Variants in MGAM2 observed in about 807,000 individuals in gnomAD.
The protein encoded by MGAM2 is probable maltase-glucoamylase 2.
A neutral mutation model predicts 96.1 loss-of-function variants in MGAM2; 98 were observed. That is an observed-to-expected ratio of 1.02 (90% CI 0.87 to 1.21). MGAM2 has a LOEUF of 1.21. Ranked by LOEUF, MGAM2 falls within the 50% of genes most tolerant of loss-of-function variation. MGAM2 has a pLI of 0.00. For synonymous variants in MGAM2, 749 were observed against 414.8 expected, an observed-to-expected ratio of 1.81 and a Z score of -9.79; for missense variants, 2,055 against 1,182.4, an observed-to-expected ratio of 1.74 and a Z score of -10.82.
At chr7:142,210,000 C>A (rs1312498946) in intron 46 of MGAM2, among the ~76,000 whole-genome samples, 1 of 152,214 alleles carries the variant, frequency 6.6e-6, no homozygotes, top group Non-Finnish European at 1.5e-5. Flanking sequence ...GCATTTCCAA[C>A]TGAGATACCT....
intron 26 of MGAM2, among the ~76,000 whole-genome samples, chr7:142,167,898 A>G (rs1161450153): frequency 6.6e-6 from 1 of 152,032 alleles, no homozygotes; most frequent in Non-Finnish European, 1.5e-5. Context: ...CAAATCCCTC[A>G]TGTTATGGAT....
chr7:142,117,421 C>T (rs1301520869), intron 2 of MGAM2, among the ~76,000 whole-genome samples: 1 of 152,166 alleles, frequency 6.6e-6, no homozygotes, highest in East Asian at 1.9e-4. Flanking sequence ...TCATAGGTGC[C>T]TTTGAAACCG....
chr7:142,167,733 T>A (rs1796071495), intron 26 of MGAM2, among the ~76,000 whole-genome samples: 2 of 152,088 alleles, frequency 1.3e-5, no homozygotes, highest in African/African-American at 4.8e-5. Context: ...CCGACACACC[T>A]GGCTAATTTT....
At chr7:142,123,437 A>G (rs533799441) in intron 3 of MGAM2, among the ~76,000 whole-genome samples, 1 of 152,316 alleles carries the variant, frequency 6.6e-6, no homozygotes, top group South Asian at 2.1e-4. Flanking sequence ...AGTAGTATAC[A>G]GGAGTTCATT....
chr7:142,208,139 C>A (rs1797465724), intron 45 of MGAM2: 1 of 458,072 alleles, frequency 2.2e-6, no homozygotes. Context: ...CTATTAAGTA[C>A]AAGAGTTGGG....
At chr7:142,166,335 G>T in intron 25 of MGAM2, 82 bp downstream of exon 25, 1 of 596,632 alleles carries the variant, frequency 1.7e-6, no homozygotes. Context: ...TCTGTGGCTT[G>T]AAGAAAACCA....
intron 45 of MGAM2, among the ~76,000 whole-genome samples, chr7:142,204,493 T>C (rs963947526): frequency 6.6e-6 from 1 of 152,048 alleles, no homozygotes. Flanking sequence ...ATTCTGAAAT[T>C]AAATAGATCT....
At chr7:142,171,119 T>C (rs1796170757) in intron 27 of MGAM2, 153 bp from the exon 28 acceptor site, 4 of 677,486 alleles carry the variant, frequency 5.9e-6, no homozygotes, top group East Asian at 2.8e-5. Flanking sequence ...GTCAGGGCCA[T>C]TGTTATGACC....
rs754754888 is a variant in MGAM2, at chr7:142,175,653, A to T, written c.3689A>T (p.Asp1230Val). ...DAMVAAQIPY[D>V]VQHVDIDYMN... The stretch of plus-strand genomic sequence containing the variant: ...GAGCCTTGCTGCTTCTTTCTGCAGG[A>T]CGTCCAGCATGTAGACATCGATTAC... Residue 1230 changes from aspartate (D) to valine (V), a missense_variant and splice_region_variant, in exon 32 of 48, where the codon GAC becomes GTC. Transcript: ENST00000477922. 7.1e-6 allele frequency: 5 copies of T among 702,530 alleles called. No homozygotes were observed. Among genetic ancestry groups the T allele is most frequent in the Non-Finnish European group, 1.3e-5 (5 of 384,934 alleles). 43.5% of individuals were successfully genotyped at this position (702,530 alleles called of 1,614,324 possible). A position where few individuals can be genotyped will look rare whatever the true frequency, so the allele number is the denominator to read the frequency against.
At position 142,161,138 on chromosome 7, in the gene MGAM2, C is replaced by T; in HGVS notation, c.2359C>T (p.Leu787=). The T allele has an allele frequency of 1.4e-6, 1 of 702,688 alleles. No homozygotes were observed. Among genetic ancestry groups the T allele is most frequent in the South Asian group, 1.5e-5 (1 of 67,586 alleles). The allele number at this position is 702,688 out of a possible 1,614,324, so 43.5% of individuals were successfully genotyped here. Residue 787 remains leucine (L), a synonymous_variant, in exon 22 of 48, where the codon CTG becomes TTG. Coordinates refer to ENST00000477922, the MANE Select transcript of MGAM2 (RefSeq NM_001293626.2). ...TTTEASRRNS[L]GLIIALDYKR... ...ACTCTTTTACAGCCGGAGGAATTCC[C>T]TGGGACTCATCATCGCCTTGGACTA...
rs1285428419 is a variant in MGAM2, at chr7:142,197,692, G to A, written c.4830G>A (p.Leu1610=). The change falls in exon 42 of 48, where the codon TTG becomes TTA. Residue 1610 remains leucine, a synonymous_variant. Coordinates refer to ENST00000477922, the MANE Select transcript of MGAM2 (RefSeq NM_001293626.2). ...TTWDIDRQFM[L]GPAILISPVL... The stretch of plus-strand genomic sequence containing the variant: ...GGGATATAGACCGTCAGTTCATGTT[G>A]GGCCCTGCTATCTTAATCAGCCCTG... 1.4e-6 allele frequency: 1 copy of A among 702,768 alleles called. No individual in the cohort carries two copies. Among genetic ancestry groups the A allele is most frequent in the Non-Finnish European group, 2.6e-6 (1 of 384,998 alleles). The allele number at this position is 702,768 out of a possible 1,614,324, so 43.5% of individuals were successfully genotyped here. A position where few individuals can be genotyped will look rare whatever the true frequency, so the allele number is the denominator to read the frequency against.
intron 3 of MGAM2, among the ~76,000 whole-genome samples, chr7:142,128,558 C>T (rs1264229142): frequency 2.6e-5 from 4 of 152,178 alleles, no homozygotes; most frequent in Non-Finnish European, 5.9e-5. Flanking sequence ...GTCTCCCCTG[C>T]TCTGTGCAGC....
intron 32 of MGAM2, among the ~76,000 whole-genome samples, chr7:142,182,435 T>C (rs1796572343): frequency 6.6e-6 from 1 of 152,156 alleles, no homozygotes. Context: ...CGCTGCTGTC[T>C]CCCAGCTCAG....
intron 3 of MGAM2, among the ~76,000 whole-genome samples, chr7:142,127,994 C>A (rs928806474): frequency 6.6e-6 from 1 of 152,076 alleles, no homozygotes; most frequent in African/African-American, 2.4e-5. Flanking sequence ...CAGAAGAGGA[C>A]AGGAAGATGT....
At chr7:142,159,752 C>A (rs1795834551) in intron 20 of MGAM2, among the ~76,000 whole-genome samples, 1 of 152,118 alleles carries the variant, frequency 6.6e-6, no homozygotes, top group South Asian at 2.1e-4. Context: ...TGAGGGTACA[C>A]CAGCATTCAG....
At chr7:142,201,010 C>T (rs1013129242) in intron 45 of MGAM2, among the ~76,000 whole-genome samples, 3 of 141,022 alleles carry the variant, frequency 2.1e-5, no homozygotes, top group Non-Finnish European at 4.6e-5. Context: ...TGATCATATT[C>T]TATTGAGAGA....
At chr7:142,196,436 T>C in intron 38 of MGAM2, 129 bp from the exon 39 acceptor site, 3 of 660,672 alleles carry the variant, frequency 4.5e-6, no homozygotes, top group Non-Finnish European at 8.1e-6. Flanking sequence ...GATTTTAATT[T>C]ACACCCATCT....
At chr7:142,154,948 C>T in intron 17 of MGAM2, 103 bp downstream of exon 17, 1 of 649,246 alleles carries the variant, frequency 1.5e-6, no homozygotes, top group Non-Finnish European at 2.8e-6. Flanking sequence ...GCACTAACTG[C>T]AGCAGAAGGA....
At chr7:142,117,375 G>C (rs1341033694) in intron 2 of MGAM2, among the ~76,000 whole-genome samples, 1 of 152,108 alleles carries the variant, frequency 6.6e-6, no homozygotes, top group East Asian at 1.9e-4. Context: ...TGATTAAGTT[G>C]GCCTGGTTAT....
Sources: gnomAD v4.1 joint callset for allele counts (sites outside exome capture counted in the v4.1 genomes callset) on GRCh38, gnomAD v4.1.1 for gene constraint, MANE v1.5 for transcripts, NCBI Gene and HGNC (gene_info 2026-07-23, HGNC 2026-07-21) for gene names.